The following GRM4 variants were observed in gnomAD, a reference collection of about 807,000 sequenced individuals.
GRM4 encodes glutamate metabotropic receptor 4.
A neutral mutation model predicts 81.7 loss-of-function variants in GRM4; 28 were observed. The observed-to-expected ratio is 0.34, with a 90% CI of 0.25 to 0.47. The LOEUF is 0.47. Among genes scored for constraint, GRM4 ranks in the 20% least tolerant of loss-of-function variants. The pLI, the probability that GRM4 is intolerant of heterozygous loss-of-function variation, is 1.00. For synonymous variants in GRM4, 488 were observed against 528.8 expected (o/e 0.92, Z 1.06); for missense variants, 948 against 1,290.0 (o/e 0.73, Z 4.06).
At chr6:34,072,438 ACT>A (rs1256366188) in intron 3 of GRM4, among the ~76,000 whole-genome samples, 11 of 142,080 alleles carry the variant, frequency 7.7e-5, no homozygotes, top group East Asian at 4.1e-4. Context: ...GCACACACAC[ACT>A]CACCACACGC....
At chr6:34,127,491 G>C (rs1167811046) in intron 2 of GRM4, among the ~76,000 whole-genome samples, 1 of 152,262 alleles carries the variant, frequency 6.6e-6, no homozygotes, top group Non-Finnish European at 1.5e-5. Flanking sequence ...AGACAGGAAA[G>C]GAGTTCACAT....
rs1169163218 is a variant in GRM4, at chr6:34,064,898, A to G, written c.737-2870T>C. On this transcript the variant is annotated intron_variant, in intron 3 of 10. Coordinates refer to ENST00000538487, the MANE Select transcript of GRM4 (RefSeq NM_000841.4). The surrounding 1 kb of genome is among the most constrained non-coding windows in gnomAD (Gnocchi z 4.4). ...AGGAAACTGAGGCTCAGGTTGCTAAATAGCCTAACCAAGGTCACACAGCCA... is the reference window on the plus strand; with the variant it reads ...AGGAAACTGAGGCTCAGGTTGCTAAGTAGCCTAACCAAGGTCACACAGCCA... 6.6e-6 allele frequency among the ~76,000 whole-genome samples: 1 copy of G among 152,174 alleles called. No individual in the cohort carries two copies. The highest frequency in any genetic ancestry group is 2.4e-5 in the African/African-American group (1 of 41,426).
chr6:34,137,447 C>A (rs749762218), intron 1 of GRM4, among the ~76,000 whole-genome samples: 12 of 152,230 alleles, frequency 7.9e-5, no homozygotes, highest in Non-Finnish European at 1.6e-4. Context: ...CAGCTGCAGA[C>A]TACCCCTTTC....
intron 3 of GRM4, among the ~76,000 whole-genome samples, chr6:34,079,858 C>A (rs1053998139): frequency 6.6e-6 from 1 of 152,186 alleles, no homozygotes; most frequent in Non-Finnish European, 1.5e-5. Context: ...TCACCTCTTG[C>A]CTGGACTACA....
At chr6:34,125,456 A>G (rs1051037304) in intron 2 of GRM4, among the ~76,000 whole-genome samples, 1 of 152,168 alleles carries the variant, frequency 6.6e-6, no homozygotes, top group African/African-American at 2.4e-5. Context: ...TGAGGCTACT[A>G]GGTGTCCAAA....
intron 3 of GRM4, among the ~76,000 whole-genome samples, chr6:34,065,181 T>C (rs573793314): frequency 1.3e-5 from 2 of 152,106 alleles, no homozygotes; most frequent in South Asian, 4.2e-4. Context: ...CAGATCAACA[T>C]CCACCATCAC....
rs769459472 is a variant in GRM4, at chr6:34,092,117, C to A, written c.520-18G>T. On this transcript the variant is annotated intron_variant, in intron 2 of 10. Coordinates refer to ENST00000538487, the MANE Select transcript of GRM4 (RefSeq NM_000841.4). This position sits in a 1 kb window ranked among gnomAD's most constrained non-coding sequence, Gnocchi z 6.8. ...TGGGGTATCTGAGGGGCGAGAGGGG[C>A]TGCTGAGGGTGGCGACTGGCTCCCC... is the stretch of plus-strand genomic sequence containing the variant. The A allele has an allele frequency of 1.3e-6, 2 of 1,561,742 alleles. No homozygotes were observed. The highest frequency in any genetic ancestry group is 1.1e-5 in the South Asian group (1 of 87,244).
chr6:34,072,923 C>T (rs992409301), intron 3 of GRM4, among the ~76,000 whole-genome samples: 2 of 72,614 alleles, frequency 2.8e-5, no homozygotes, highest in East Asian at 4.6e-4. Flanking sequence ...CACACAGATA[C>T]ATACACACAA....
At position 34,111,939 on chromosome 6, in the gene GRM4, C is replaced by T. The variant is rs917609178; in HGVS notation, c.520-19840G>A. Among the ~76,000 whole-genome samples the T allele has an allele frequency of 6.6e-6, 1 of 152,088 alleles. No individual in the cohort carries two copies. The highest frequency in any genetic ancestry group is 6.5e-5 in the Admixed American group (1 of 15,274). On this transcript the variant is annotated intron_variant, in intron 2 of 10. Coordinates refer to ENST00000538487, the MANE Select transcript of GRM4 (RefSeq NM_000841.4). This position sits in a 1 kb window ranked among gnomAD's most constrained non-coding sequence, Gnocchi z 5.1. ...TTGTCCAGATCTTATTGAGGTTTCT[C>T]AATAAGAAAAGGAGACTTGCCTGGA... is the stretch of plus-strand genomic sequence containing the variant.
At chr6:34,107,891 C>A (rs1477003107) in intron 2 of GRM4, among the ~76,000 whole-genome samples, 1 of 152,192 alleles carries the variant, frequency 6.6e-6, no homozygotes, top group East Asian at 1.9e-4. Flanking sequence ...CCAGGTGTCT[C>A]CTCCTTGTGA....
intron 1 of GRM4, among the ~76,000 whole-genome samples, chr6:34,154,393 G>A (rs1771104803): frequency 6.6e-6 from 1 of 152,172 alleles, no homozygotes; most frequent in Non-Finnish European, 1.5e-5. Flanking sequence ...TCAAGGCCCA[G>A]CTTAAGCAGC....
chr6:34,053,490 C>T (rs1415772421), intron 6 of GRM4, among the ~76,000 whole-genome samples: 1 of 152,208 alleles, frequency 6.6e-6, no homozygotes, highest in Non-Finnish European at 1.5e-5. Flanking sequence ...TGGCCTGGGG[C>T]CACACAGGGA....
At chr6:34,107,297 G>T (rs182445314) in intron 2 of GRM4, among the ~76,000 whole-genome samples, 6 of 152,136 alleles carry the variant, frequency 3.9e-5, no homozygotes, top group Non-Finnish European at 7.4e-5. Context: ...CCCTGGCAAG[G>T]GGGGAGAGGC....
chr6:34,120,845 C>T (rs754416491), intron 2 of GRM4, among the ~76,000 whole-genome samples: 5 of 152,190 alleles, frequency 3.3e-5, no homozygotes, highest in Non-Finnish European at 7.3e-5. Context: ...CCGCCCACCT[C>T]GGCCTCCCAA....
At position 34,056,543 on chromosome 6, in the gene GRM4, C is replaced by G; in HGVS notation, c.1168+1G>C. On this transcript the variant is annotated splice_donor_variant, in intron 6 of 10. Coordinates refer to ENST00000538487, the MANE Select transcript of GRM4 (RefSeq NM_000841.4). LOFTEE classifies it high-confidence loss of function. ...CGGCCCTGCCCGGCCCGCGTGCTCA[C>G]TGGTGCACTTCTTGACGTGGCTGCC... 6.2e-7 allele frequency: 1 copy of G among 1,612,524 alleles called. No homozygotes were observed.
Position 34,059,328 on chromosome 6 carries a change from G to T in GRM4, c.873-200C>A. ...ACCTGCTCATAGACCCATGGCTACC[G>T]CCTCATCCAACCTGCCTGCCCCTGG... On this transcript the variant is annotated intron_variant, in intron 4 of 10. Coordinates refer to ENST00000538487, the MANE Select transcript of GRM4 (RefSeq NM_000841.4). The surrounding 1 kb of genome is among the most constrained non-coding windows in gnomAD (Gnocchi z 5.7). 1.7e-6 allele frequency: 1 copy of T among 598,880 alleles called. No homozygotes were observed. Among genetic ancestry groups the T allele is most frequent in the Non-Finnish European group, 3.0e-6 (1 of 337,142 alleles). The allele number at this position is 598,880 out of a possible 1,614,324, so 37.1% of individuals were successfully genotyped here.
At chr6:34,102,970 G>C (rs771526239) in intron 2 of GRM4, among the ~76,000 whole-genome samples, 2 of 152,186 alleles carry the variant, frequency 1.3e-5, no homozygotes, top group Admixed American at 1.3e-4. Flanking sequence ...GGCCACCCAC[G>C]GCAGTGCCCA....
At chr6:34,143,030 G>A (rs1394721315) in intron 1 of GRM4, among the ~76,000 whole-genome samples, 1 of 152,180 alleles carries the variant, frequency 6.6e-6, no homozygotes, top group African/African-American at 2.4e-5. Context: ...GTTAAGCCTT[G>A]CCATCTTCCT....
chr6:34,066,838 G>A (rs1766491082), intron 3 of GRM4, among the ~76,000 whole-genome samples: 2 of 152,148 alleles, frequency 1.3e-5, no homozygotes, highest in South Asian at 2.1e-4. Flanking sequence ...AGATATGGGT[G>A]ACAGCAAGGG....
Sources: gnomAD v4.1 joint callset for allele counts (sites outside exome capture counted in the v4.1 genomes callset) on GRCh38, gnomAD v4.1.1 for gene constraint, Gnocchi (gnomAD v3.1) non-coding constraint, MANE v1.5 for transcripts, NCBI Gene and HGNC (gene_info 2026-07-23, HGNC 2026-07-21) for gene names.